GTF3C4: variants seen among roughly 807,000 people sequenced by gnomAD.
GTF3C4 encodes general transcription factor IIIC subunit 4.
A neutral mutation model predicts 67.5 loss-of-function variants in GTF3C4; 28 were observed. That is an observed-to-expected ratio of 0.41 (90% confidence interval 0.31 to 0.57). The LOEUF is 0.57. Among genes scored for constraint, GTF3C4 ranks in the 20% least tolerant of loss-of-function variants. The probability of loss-of-function intolerance (pLI) is 0.21; values close to 1 mark genes in which losing one functional copy is unlikely to be tolerated. For synonymous variants in GTF3C4, 409 were observed against 393.0 expected (o/e 1.04, Z -0.48); for missense variants, 831 against 1,033.2 (o/e 0.80, Z 2.68).
chr9:132,681,744 G>A (rs1835948778), intron 2 of GTF3C4, among the ~76,000 whole-genome samples: 1 of 152,124 alleles, frequency 6.6e-6, no homozygotes, highest in Non-Finnish European at 1.5e-5. Flanking sequence ...TTGAGAATGT[G>A]TGAGTCAGAA....
chr9:132,680,442 G>C lies in GTF3C4; in HGVS notation c.2184+639G>C, dbSNP rs375687742. Among the ~76,000 whole-genome samples the C allele has an allele frequency of 2.0e-4, 30 of 152,332 alleles. 1 individual carries two copies. The South Asian group carries it at 2.7e-3, about 14-fold the overall frequency. On this transcript the variant is annotated intron_variant, in intron 2 of 4. Transcript: ENST00000372146. ...ACAGAAAAGAAACTGATACCTTTGT[G>C]TAGCTCGGTATTACTCAGACTTCTT... is the stretch of plus-strand genomic sequence containing the variant.
In GTF3C4 at chr9:132,691,637, T is replaced by C. The variant is rs1418759466; in HGVS notation, c.*2692T>C. The C allele has an allele frequency of 1.3e-5, 2 of 152,234 alleles. No individual in the cohort carries two copies. The highest frequency in any genetic ancestry group is 1.5e-5 in the Non-Finnish European group (1 of 68,048). The allele number at this position is 152,234 out of a possible 1,614,324, so 9.4% of individuals were successfully genotyped here. Reference sequence around the variant, plus strand: ...TGTTCTTATTATTCTAGGTAAGAAATTGATAGCTTGTTATGCTTGGTACTC... The same window carrying C: ...TGTTCTTATTATTCTAGGTAAGAAACTGATAGCTTGTTATGCTTGGTACTC... On this transcript the variant is annotated 3_prime_UTR_variant, in exon 5 of 5. Coordinates refer to ENST00000372146, the MANE Select transcript of GTF3C4 (RefSeq NM_012204.4).
rs769713214 is a variant in GTF3C4 at position 132,679,154 on chromosome 9, T to C, written c.1535T>C (p.Phe512Ser). 1 of 1,614,188 alleles carries C rather than the reference T, an allele frequency of 6.2e-7. No homozygotes were observed. The highest frequency in any genetic ancestry group is 8.5e-7 in the Non-Finnish European group (1 of 1,180,040). Residue 512 changes from phenylalanine to serine, a missense_variant, in exon 2 of 5, where the codon TTT becomes TCT. By Grantham distance (155) the Phe-to-Ser change is radical. This residue lies in a region of GTF3C4 where 390 missense variants were observed against 540.3 expected (regional missense o/e 0.72). Transcript: ENST00000372146. This position sits in a 1 kb window ranked among gnomAD's most constrained non-coding sequence, Gnocchi z 5.9. Reference sequence around the variant, plus strand: ...GTTAACAAAAACTACCAGGTCCAATTTGTTACTCTCAAAACCTTTGAAGAG... The same window carrying C: ...GTTAACAAAAACTACCAGGTCCAATCTGTTACTCTCAAAACCTTTGAAGAG... The part of the protein sequence containing the change: ...HPVNKNYQVQ[F>S]VTLKTFEEAA...
chr9:132,673,748 A>T (rs1476981669), intron 1 of GTF3C4, among the ~76,000 whole-genome samples: 1 of 152,188 alleles, frequency 6.6e-6, no homozygotes, highest in Admixed American at 6.5e-5. Flanking sequence ...TTTGCTCTAT[A>T]ATTCTGTTAT....
chr9:132,694,114 T>C lies in GTF3C4; in HGVS notation c.*5169T>C, dbSNP rs891375735. ...GGAATGTTTTATAGACTTTTGGTGT[T>C]GAAAAAAAAAAGTTTGATAACAATG... is the stretch of plus-strand genomic sequence containing the variant. On this transcript the variant is annotated 3_prime_UTR_variant, in exon 5 of 5. Transcript: ENST00000372146. 6.6e-6 allele frequency: 1 copy of C among 151,940 alleles called. No homozygotes were observed. The highest frequency in any genetic ancestry group is 1.5e-5 in the Non-Finnish European group (1 of 67,988). The allele number at this position is 151,940 out of a possible 1,614,324, so 9.4% of individuals were successfully genotyped here.
upstream of GTF3C4, chr9:132,670,388 T>C: frequency 1.7e-6 from 2 of 1,173,932 alleles, no homozygotes; most frequent in Non-Finnish European, 2.3e-6. Context: ...GGCTCCCCGC[T>C]CGCTGTCCTT....
At chr9:132,675,100 A>G (rs1281012371) in intron 1 of GTF3C4, among the ~76,000 whole-genome samples, 1 of 152,142 alleles carries the variant, frequency 6.6e-6, no homozygotes, top group Non-Finnish European at 1.5e-5. Flanking sequence ...AGCGCTTAAT[A>G]TATGCTTTGA....
intron 2 of GTF3C4, among the ~76,000 whole-genome samples, chr9:132,680,738 T>G (rs1233062419): frequency 6.6e-6 from 1 of 152,276 alleles, no homozygotes; most frequent in Non-Finnish European, 1.5e-5. Flanking sequence ...CCTTTGAAAT[T>G]ATTGCTCATA....
At chr9:132,682,794 G>A (rs1022802818) in intron 2 of GTF3C4, among the ~76,000 whole-genome samples, 1 of 151,850 alleles carries the variant, frequency 6.6e-6, no homozygotes, top group South Asian at 2.1e-4. Context: ...TAGTAGAGAC[G>A]GGGTTTCACC....
rs1164709995 is a variant in GTF3C4 at position 132,690,527 on chromosome 9, G to A, written c.*1582G>A. 1 of 145,018 alleles carries A rather than the reference G, an allele frequency of 6.9e-6. No individual in the cohort carries two copies. Among genetic ancestry groups the A allele is most frequent in the Non-Finnish European group, 1.5e-5 (1 of 66,742 alleles). 9.0% of individuals were successfully genotyped at this position (145,018 alleles called of 1,614,324 possible). Reference sequence around the variant, plus strand: ...CCACCCCGCATTGATAGGTAGTGCAGACCAGCCCTTGGAGGCACTTCTAAA... The same window carrying A: ...CCACCCCGCATTGATAGGTAGTGCAAACCAGCCCTTGGAGGCACTTCTAAA... On this transcript the variant is annotated 3_prime_UTR_variant, in exon 5 of 5. Coordinates refer to ENST00000372146, the MANE Select transcript of GTF3C4 (RefSeq NM_012204.4).
rs757913856 is a variant in GTF3C4, at chr9:132,670,638, G to T, written c.40G>T (p.Asp14Tyr). Residue 14 changes from aspartate to tyrosine, a missense_variant, in exon 1 of 5, where the codon GAC (aspartate) becomes TAC (tyrosine). By Grantham distance (160) the Asp-to-Tyr change is radical (BLOSUM62 -3). This residue lies in a region of GTF3C4 where 237 missense variants were observed against 212.7 expected (regional missense o/e 1.11). Coordinates refer to ENST00000372146, the MANE Select transcript of GTF3C4 (RefSeq NM_012204.4). Reference protein sequence around the residue: ...ADQARVGPADDGPAPSGEEEG... With the variant: ...ADQARVGPADYGPAPSGEEEG... ...CCAGGCCCGGGTGGGGCCCGCGGACGACGGGCCTGCGCCGTCTGGGGAGGA... is the reference window on the plus strand; with the variant it reads ...CCAGGCCCGGGTGGGGCCCGCGGACTACGGGCCTGCGCCGTCTGGGGAGGA... The T allele has an allele frequency of 4.1e-6, 6 of 1,450,736 alleles. No individual in the cohort carries two copies. In the Middle Eastern group the frequency reaches 7.3e-4, roughly 176 times the overall value. The allele number at this position is 1,450,736 out of a possible 1,614,324, so 89.9% of individuals were successfully genotyped here.
intron 1 of GTF3C4, among the ~76,000 whole-genome samples, chr9:132,671,205 C>T (rs1173887056): frequency 6.6e-6 from 1 of 152,204 alleles, no homozygotes; most frequent in Admixed American, 6.5e-5. Flanking sequence ...CAGGGGGCTT[C>T]CCGGAGTTGA....
intron 1 of GTF3C4, 110 bp from the exon 2 acceptor site, chr9:132,677,867 G>T: frequency 1.2e-6 from 1 of 858,664 alleles, no homozygotes. Context: ...TTAATTCTAA[G>T]AAGAATATGG....
At chr9:132,672,641 T>G (rs1478718468) in intron 1 of GTF3C4, among the ~76,000 whole-genome samples, 2 of 152,116 alleles carry the variant, frequency 1.3e-5, no homozygotes, top group African/African-American at 4.8e-5. Flanking sequence ...ATCTAGGAAG[T>G]CTTTAAGATG....
intron 2 of GTF3C4, among the ~76,000 whole-genome samples, chr9:132,681,307 C>G (rs972072905): frequency 6.6e-6 from 1 of 152,140 alleles, no homozygotes; most frequent in African/African-American, 2.4e-5. Context: ...TGGGAAGTTA[C>G]ATTTAGCATG....
Position 132,677,974 on chromosome 9 carries a change from C to G in GTF3C4, c.358-3C>G. 1 of 1,583,010 alleles carries G rather than the reference C, an allele frequency of 6.3e-7. No homozygotes were observed. The highest frequency in any genetic ancestry group is 2.2e-5 in the East Asian group (1 of 44,644). On this transcript the variant is annotated splice_region_variant and splice_polypyrimidine_tract_variant and intron_variant, in intron 1 of 4. Coordinates refer to ENST00000372146, the MANE Select transcript of GTF3C4 (RefSeq NM_012204.4). ...TGATAGTTTTTATATCTCTTATTTTCAGGTTGGCTCAAAAACAGAAGTTGC... is the reference window on the plus strand; with the variant it reads ...TGATAGTTTTTATATCTCTTATTTTGAGGTTGGCTCAAAAACAGAAGTTGC...
Position 132,689,066 on chromosome 9 carries a change from G to T in GTF3C4, c.*121G>T. ...CCTCACGAGTGGAGAGAAGTCCTTG[G>T]TGATTGTAAAGAGGGCCCCTGGAGC... On this transcript the variant is annotated 3_prime_UTR_variant, in exon 5 of 5. Coordinates refer to ENST00000372146, the MANE Select transcript of GTF3C4 (RefSeq NM_012204.4). 1.4e-6 allele frequency: 1 copy of T among 731,000 alleles called. No homozygotes were observed. The highest frequency in any genetic ancestry group is 2.4e-6 in the Non-Finnish European group (1 of 416,220). 45.3% of individuals were successfully genotyped at this position (731,000 alleles called of 1,614,324 possible). A position where few individuals can be genotyped will look rare whatever the true frequency, so the allele number is the denominator to read the frequency against.
Position 132,678,311 on chromosome 9 carries a change from GAA to G in GTF3C4, c.694_695del (p.Asn232SerfsTer6). The G allele has an allele frequency of 6.2e-7, 1 of 1,614,186 alleles. No individual in the cohort carries two copies. Among genetic ancestry groups the G allele is most frequent in the Non-Finnish European group, 8.5e-7 (1 of 1,180,032 alleles). ...CTCTCTAAAAATGAGGCCCCGGAAGGAAATCTCGGGGATTTTGCTGAGTTTCA... is the reference window on the plus strand; with the variant it reads ...CTCTCTAAAAATGAGGCCCCGGAAGGATCTCGGGGATTTTGCTGAGTTTCA... On this transcript the variant is annotated frameshift_variant, in exon 2 of 5. Coordinates refer to ENST00000372146, the MANE Select transcript of GTF3C4 (RefSeq NM_012204.4). LOFTEE classifies it high-confidence loss of function. This position sits in a 1 kb window ranked among gnomAD's most constrained non-coding sequence, Gnocchi z 6.5.
At chr9:132,671,310 A>T (rs1023484360) in intron 1 of GTF3C4, among the ~76,000 whole-genome samples, 2 of 151,616 alleles carry the variant, frequency 1.3e-5, no homozygotes, top group African/African-American at 4.9e-5. Context: ...TGTAGATCCA[A>T]CCCGGGGCCT....
Sources: gnomAD v4.1 joint callset for allele counts (sites outside exome capture counted in the v4.1 genomes callset) on GRCh38, gnomAD v4.1.1 for gene constraint, gnomAD v4.1.1 regional missense constraint, Gnocchi (gnomAD v3.1) non-coding constraint, MANE v1.5 for transcripts, NCBI Gene and HGNC (gene_info 2026-07-23, HGNC 2026-07-21) for gene names.